Variants in DNAJB11 observed in about 807,000 individuals in gnomAD.
DNAJB11 encodes dnaJ homolog subfamily B member 11.
A neutral mutation model predicts 47.2 loss-of-function variants in DNAJB11; 30 were observed. The ratio of observed to expected loss-of-function variants is 0.64; its 90% CI spans 0.48 to 0.86. The LOEUF is 0.86. Among genes scored for constraint, DNAJB11 ranks in the 40% least tolerant of loss-of-function variants. The pLI, the probability that DNAJB11 is intolerant of heterozygous loss-of-function variation, is 0.00. For missense variants in DNAJB11, 357 were observed against 440.2 expected (o/e 0.81, Z 1.69); for synonymous variants, 151 against 159.9 (o/e 0.94, Z 0.42).
At chr3:186,581,867 T>G in intron 5 of DNAJB11, 128 bp from the exon 6 acceptor site, 1 of 733,244 alleles carries the variant, frequency 1.4e-6, no homozygotes. Flanking sequence ...CAGATAGTTT[T>G]GTCAAGTAGA....
Position 186,572,168 on chromosome 3 carries a change from C to T in DNAJB11, c.142C>T (p.Leu48=), listed in dbSNP as rs752617956. The T allele has an allele frequency of 6.2e-7, 1 of 1,613,928 alleles. No homozygotes were observed. Among genetic ancestry groups the T allele is most frequent in the South Asian group, 1.1e-5 (1 of 91,040 alleles). ...GGATATTAAAAAGGCCTATAGGAAA[C>T]TAGCCCTGCAGCTTCATCCCGACCG... ...IKDIKKAYRK[L]ALQLHPDRNP... Residue 48 remains leucine (L), a synonymous_variant, in exon 2 of 10, where the codon CTA becomes TTA. Transcript: ENST00000265028.
At chr3:186,571,037 G>GGGGGGGGGGT in intron 1 of DNAJB11, 72 bp downstream of exon 1, 1 of 940,410 alleles carries the variant, frequency 1.1e-6, no homozygotes, top group Non-Finnish European at 1.6e-6. Flanking sequence ...GGGGGTGGGG[G>GGGGGGGGGGT]AAGTGGCATT....
chr3:186,576,616 T>G (rs1715304231), intron 3 of DNAJB11, among the ~76,000 whole-genome samples: 3 of 152,092 alleles, frequency 2.0e-5, no homozygotes, highest in Admixed American at 2.0e-4. Context: ...TCTCAAAGGG[T>G]TCTGTGAACC....
rs1327056434 is a variant in DNAJB11, at chr3:186,584,419, T to G, written c.853-11T>G. On this transcript the variant is annotated splice_polypyrimidine_tract_variant and intron_variant, in intron 8 of 9. Coordinates refer to ENST00000265028, the MANE Select transcript of DNAJB11 (RefSeq NM_016306.6). ...CGCTCCTGCTGCAGTACATTCCCTT[T>G]GGTTTTCTAGGTACATATTTCCCGG... 6.5e-7 allele frequency: 1 copy of G among 1,539,502 alleles called. No individual in the cohort carries two copies. The highest frequency in any genetic ancestry group is 2.3e-5 in the Admixed American group (1 of 43,784).
chr3:186,572,593 T>TG (rs1296360775), intron 2 of DNAJB11, among the ~76,000 whole-genome samples: 2 of 152,246 alleles, frequency 1.3e-5, no homozygotes, highest in East Asian at 3.8e-4. Context: ...GTAGATCAAC[T>TG]GATTGGTCTG....
At chr3:186,575,048 G>A (rs1463568748) in intron 2 of DNAJB11, among the ~76,000 whole-genome samples, 1 of 152,084 alleles carries the variant, frequency 6.6e-6, no homozygotes, top group African/African-American at 2.4e-5. Flanking sequence ...TTAATATACA[G>A]AGAGAAAGCA....
chr3:186,585,466 C>A lies in DNAJB11; in HGVS notation c.*58C>A. The A allele has an allele frequency of 1.5e-6, 2 of 1,367,076 alleles. No homozygotes were observed. The highest frequency in any genetic ancestry group is 2.0e-6 in the Non-Finnish European group (2 of 982,114). The allele number at this position is 1,367,076 out of a possible 1,614,324, so 84.7% of individuals were successfully genotyped here. A position where few individuals can be genotyped will look rare whatever the true frequency, so the allele number is the denominator to read the frequency against. ...GTGAATAAGCGATATTTATTATCTGCAAGGTTTTTTTGTGTGTGTTTTTGT... is the reference window on the plus strand; with the variant it reads ...GTGAATAAGCGATATTTATTATCTGAAAGGTTTTTTTGTGTGTGTTTTTGT... On this transcript the variant is annotated 3_prime_UTR_variant, in exon 10 of 10. Coordinates refer to ENST00000265028, the MANE Select transcript of DNAJB11 (RefSeq NM_016306.6).
At chr3:186,581,339 A>C in intron 4 of DNAJB11, 32 bp from the exon 5 acceptor site, 1 of 1,611,460 alleles carries the variant, frequency 6.2e-7, no homozygotes. Flanking sequence ...TTTACACAAG[A>C]GAGAAGCTGA....
At chr3:186,580,966 A>G (rs950545900) in intron 4 of DNAJB11, 1 of 154,576 alleles carries the variant, frequency 6.5e-6, no homozygotes, top group Non-Finnish European at 1.4e-5. Context: ...GTAGCCACAT[A>G]CCAGGTTTTG....
At chr3:186,585,322 C>A in intron 9 of DNAJB11, 22 bp from the exon 10 acceptor site, 2 of 1,602,254 alleles carry the variant, frequency 1.2e-6, no homozygotes, top group South Asian at 2.2e-5. Flanking sequence ...TTAATGGAGT[C>A]ATTTGTTCAT....
chr3:186,571,015 TG>T, intron 1 of DNAJB11, 50 bp downstream of exon 1: 1 of 144,502 alleles, frequency 6.9e-6, no homozygotes, highest in Non-Finnish European at 1.5e-5. Context: ...CAGCCTTTGC[TG>T]GGGGGTGGGA....
chr3:186,576,078 C>G, intron 3 of DNAJB11, 141 bp downstream of exon 3: 1 of 603,818 alleles, frequency 1.7e-6, no homozygotes, highest in East Asian at 2.9e-5. Flanking sequence ...TATTGTCCTC[C>G]CTGTGGGAAG....
At chr3:186,581,263 AGAAGGG>A (rs1715473385) in intron 4 of DNAJB11, 102 bp from the exon 5 acceptor site, 5 of 1,278,338 alleles carry the variant, frequency 3.9e-6, no homozygotes, top group Non-Finnish European at 4.3e-6. Flanking sequence ...AGATTGCCAG[AGAAGGG>A]GAAGTTTCAG....
In DNAJB11 at chr3:186,570,876, CA is replaced by C; in HGVS notation, c.-21del. The C allele has an allele frequency of 6.3e-7, 1 of 1,599,174 alleles. No individual in the cohort carries two copies. Among genetic ancestry groups the C allele is most frequent in the Non-Finnish European group, 8.5e-7 (1 of 1,172,724 alleles). ...AGGAGGCTGTGAGGAGTGTGTGGAA[CA>C]GGACCCGGGACAGAGGAACCATGGC... On this transcript the variant is annotated 5_prime_UTR_variant, in exon 1 of 10. Coordinates refer to ENST00000265028, the MANE Select transcript of DNAJB11 (RefSeq NM_016306.6).
intron 9 of DNAJB11, among the ~76,000 whole-genome samples, chr3:186,584,900 T>C (rs958155791): frequency 1.3e-5 from 2 of 151,952 alleles, no homozygotes; most frequent in Non-Finnish European, 2.9e-5. Context: ...GAAGATGAGG[T>C]AGACTGTAGA....
chr3:186,585,475 T>C lies in DNAJB11; in HGVS notation c.*67T>C. On this transcript the variant is annotated 3_prime_UTR_variant, in exon 10 of 10. Transcript: ENST00000265028. ...CGATATTTATTATCTGCAAGGTTTT[T>C]TTGTGTGTGTTTTTGTTTTTATTTT... 7.9e-7 allele frequency: 1 copy of C among 1,264,848 alleles called. No individual in the cohort carries two copies. The allele number at this position is 1,264,848 out of a possible 1,614,324, so 78.4% of individuals were successfully genotyped here.
intron 6 of DNAJB11, 95 bp from the exon 7 acceptor site, chr3:186,582,621 C>T (rs1715523674): frequency 2.0e-6 from 2 of 1,024,108 alleles, no homozygotes; most frequent in Non-Finnish European, 1.5e-6. Flanking sequence ...GGTCAATGCC[C>T]AAAGTAGTGG....
intron 3 of DNAJB11, among the ~76,000 whole-genome samples, chr3:186,576,650 ACT>A: frequency 8.1e-6 from 1 of 123,898 alleles, no homozygotes; most frequent in African/African-American, 3.4e-5. Flanking sequence ...AGTAAGAATC[ACT>A]GTTGCATATA....
intron 4 of DNAJB11, 98 bp downstream of exon 4, chr3:186,577,898 G>A: frequency 1.9e-6 from 2 of 1,055,634 alleles, no homozygotes; most frequent in Non-Finnish European, 2.6e-6. Context: ...TCTTTTTGAG[G>A]GTAAGAGAGA....
Sources: allele counts gnomAD v4.1 joint callset (sites outside exome capture counted in the v4.1 genomes callset), GRCh38; gene constraint gnomAD v4.1.1; transcripts MANE v1.5; gene names NCBI Gene and HGNC (gene_info 2026-07-23, HGNC 2026-07-21).